The following SLC25A21 variants were observed in gnomAD, a reference collection of about 807,000 sequenced individuals.
SLC25A21 encodes mitochondrial 2-oxodicarboxylate carrier.
A neutral mutation model predicts 43.8 loss-of-function variants in SLC25A21; 47 were observed. That is an observed-to-expected ratio of 1.07 (90% CI 0.85 to 1.37). The LOEUF (loss-of-function observed/expected upper bound fraction) is 1.37. SLC25A21 is among the 40% of genes most tolerant of loss of function. The pLI is 0.00. For missense variants in SLC25A21, 352 were observed against 350.2 expected, an observed-to-expected ratio of 1.00 and a Z score of -0.04; for synonymous variants, 131 against 121.3, an observed-to-expected ratio of 1.08 and a Z score of -0.52.
intron 1 of SLC25A21, among the ~76,000 whole-genome samples, chr14:37,152,273 G>T (rs2138935773): frequency 6.6e-6 from 1 of 151,952 alleles, no homozygotes; most frequent in African/African-American, 2.4e-5. Context: ...ACTCAAAATA[G>T]AAATGAGAAA....
chr14:36,898,844 A>G (rs1264554922), intron 1 of SLC25A21, among the ~76,000 whole-genome samples: 1 of 152,158 alleles, frequency 6.6e-6, no homozygotes, highest in East Asian at 1.9e-4. Context: ...GATAGGATGA[A>G]TACATTTTGA....
At chr14:36,757,935 C>T (rs2139272395) in intron 3 of SLC25A21, among the ~76,000 whole-genome samples, 1 of 152,364 alleles carries the variant, frequency 6.6e-6, no homozygotes, top group African/African-American at 2.4e-5. Flanking sequence ...CCATGCATAG[C>T]ATAAGGCACA....
chr14:36,794,593 C>G (rs1297342283), intron 3 of SLC25A21, among the ~76,000 whole-genome samples: 1 of 152,026 alleles, frequency 6.6e-6, no homozygotes, highest in Admixed American at 6.6e-5. Flanking sequence ...CATGGTCAAA[C>G]CCTGTCTCCA....
At chr14:36,682,287 C>A (rs1366717994) in intron 9 of SLC25A21, among the ~76,000 whole-genome samples, 1 of 151,894 alleles carries the variant, frequency 6.6e-6, no homozygotes, top group Non-Finnish European at 1.5e-5. Context: ...TTTGAAGTCG[C>A]TGGGATGCAC....
At chr14:36,927,967 G>C (rs1892177813) in intron 1 of SLC25A21, among the ~76,000 whole-genome samples, 1 of 152,032 alleles carries the variant, frequency 6.6e-6, no homozygotes, top group African/African-American at 2.4e-5. Context: ...GGAATTCCTG[G>C]TGTCTAGCAT....
chr14:36,910,952 T>C (rs1394276540), intron 1 of SLC25A21, among the ~76,000 whole-genome samples: 1 of 152,210 alleles, frequency 6.6e-6, no homozygotes, highest in Non-Finnish European at 1.5e-5. Context: ...TTCCTATGTA[T>C]TGTGATAAAA....
At chr14:36,750,673 T>G (rs1226668138) in intron 3 of SLC25A21, among the ~76,000 whole-genome samples, 1 of 152,082 alleles carries the variant, frequency 6.6e-6, no homozygotes, top group Non-Finnish European at 1.5e-5. Context: ...ATTTGTATTT[T>G]TAACACCACC....
chr14:37,104,599 G>C (rs1296125020), intron 1 of SLC25A21, among the ~76,000 whole-genome samples: 1 of 152,086 alleles, frequency 6.6e-6, no homozygotes, highest in Non-Finnish European at 1.5e-5. Context: ...AAACTTAACA[G>C]CATATACCAT....
At chr14:36,695,264 G>A (rs1032502717) in intron 7 of SLC25A21, among the ~76,000 whole-genome samples, 9 of 152,184 alleles carry the variant, frequency 5.9e-5, no homozygotes, top group Middle Eastern at 6.8e-3. Flanking sequence ...TGTTCCATTG[G>A]TCTATATCTC....
intron 2 of SLC25A21, among the ~76,000 whole-genome samples, chr14:36,872,694 T>C (rs1052230843): frequency 3.3e-5 from 5 of 152,224 alleles, no homozygotes; most frequent in African/African-American, 1.2e-4. Context: ...GGAAGGACTG[T>C]ATCTTCCTCC....
At chr14:36,863,034 G>C (rs1380968051) in intron 2 of SLC25A21, among the ~76,000 whole-genome samples, 2 of 152,156 alleles carry the variant, frequency 1.3e-5, no homozygotes, top group African/African-American at 4.8e-5. Flanking sequence ...ACGGGGACTA[G>C]GGGGAGGAAT....
intron 3 of SLC25A21, among the ~76,000 whole-genome samples, chr14:36,795,591 T>G (rs1367777283): frequency 6.6e-6 from 1 of 152,198 alleles, no homozygotes; most frequent in Non-Finnish European, 1.5e-5. Context: ...TTCTAGACTT[T>G]TAGTCACAGA....
At chr14:36,978,545 A>C (rs1459706906) in intron 1 of SLC25A21, among the ~76,000 whole-genome samples, 3 of 152,246 alleles carry the variant, frequency 2.0e-5, no homozygotes, top group Non-Finnish European at 2.9e-5. Context: ...AGCATGGCAA[A>C]GCAAAGTACA....
chr14:36,694,759 G>A (rs998344680), intron 7 of SLC25A21, among the ~76,000 whole-genome samples: 1 of 152,060 alleles, frequency 6.6e-6, no homozygotes, highest in Non-Finnish European at 1.5e-5. Context: ...TCATGAGGTT[G>A]TTTTTTTCTT....
intron 1 of SLC25A21, among the ~76,000 whole-genome samples, chr14:36,884,994 A>G (rs556148619): frequency 3.3e-5 from 5 of 151,930 alleles, no homozygotes; most frequent in Non-Finnish European, 7.4e-5. Flanking sequence ...CCATTTGTCT[A>G]TTTTTGCTTT....
At chr14:37,075,117 A>G (rs1962253996) in intron 1 of SLC25A21, among the ~76,000 whole-genome samples, 1 of 152,206 alleles carries the variant, frequency 6.6e-6, no homozygotes, top group Non-Finnish European at 1.5e-5. Flanking sequence ...CTGAACTATG[A>G]AGACCACTTT....
chr14:36,792,899 T>C lies in SLC25A21; in HGVS notation c.203+21019A>G, dbSNP rs848096. ...TCAAGAAAAAATCATTTTACAATGA[T>C]CACAGATCCTACCACATGCTATACC... On this transcript the variant is annotated intron_variant, in intron 3 of 9. Transcript: ENST00000331299. Among the ~76,000 whole-genome samples, 4 of 152,072 alleles carry C rather than the reference T, an allele frequency of 2.6e-5. No homozygotes were observed. The East Asian group carries it at 5.8e-4, about 22-fold the overall frequency.
intron 7 of SLC25A21, among the ~76,000 whole-genome samples, chr14:36,703,144 G>A (rs567268169): frequency 1.3e-5 from 2 of 152,294 alleles, no homozygotes; most frequent in East Asian, 3.9e-4. Context: ...TGGAGTAAGA[G>A]AGAATCAGAA....
chr14:37,022,912 A>T (rs1189283102), intron 1 of SLC25A21, among the ~76,000 whole-genome samples: 1 of 152,062 alleles, frequency 6.6e-6, no homozygotes, highest in East Asian at 1.9e-4. Context: ...GTATAAAAAC[A>T]ATAGCATATA....
Sources: allele counts gnomAD v4.1 joint callset (sites outside exome capture counted in the v4.1 genomes callset), GRCh38; gene constraint gnomAD v4.1.1; transcripts MANE v1.5; gene names NCBI Gene and HGNC (gene_info 2026-07-23, HGNC 2026-07-21).